The following DENND1A variants were observed in gnomAD, a reference collection of about 807,000 sequenced individuals.
DENND1A encodes the protein DENN domain-containing protein 1A.
In DENND1A, 51 loss-of-function variants were observed where a neutral mutation model predicts 113.7. The ratio of observed to expected loss-of-function variants is 0.45; its 90% CI spans 0.36 to 0.57. The LOEUF is 0.57. Among genes scored for constraint, DENND1A ranks in the 20% least tolerant of loss-of-function variants. The pLI, the probability that DENND1A is intolerant of heterozygous loss-of-function variation, is 0.00. For missense variants in DENND1A, 1,258 were observed against 1,395.9 expected (o/e 0.90, Z 1.57); for synonymous variants, 565 against 570.8 (o/e 0.99, Z 0.14).
chr9:123,452,227 G>A (rs759205520), intron 17 of DENND1A, 49 bp downstream of exon 17: 1 of 1,511,790 alleles, frequency 6.6e-7, no homozygotes, highest in Non-Finnish European at 9.2e-7. Flanking sequence ...GTCTCATCAT[G>A]CTAAGGGACT....
chr9:123,884,628 C>T (rs182322907), intron 1 of DENND1A, among the ~76,000 whole-genome samples: 6 of 152,184 alleles, frequency 3.9e-5, no homozygotes, highest in Admixed American at 3.9e-4. Context: ...GACAATTATA[C>T]CATTTCCATA....
intron 2 of DENND1A, among the ~76,000 whole-genome samples, chr9:123,868,433 T>C (rs141762144): frequency 6.6e-6 from 1 of 152,326 alleles, no homozygotes; most frequent in East Asian, 1.9e-4. Flanking sequence ...AAATAACAGC[T>C]CCCATTTATA....
intron 13 of DENND1A, among the ~76,000 whole-genome samples, chr9:123,501,789 G>A (rs773402016): frequency 6.6e-6 from 1 of 152,204 alleles, no homozygotes; most frequent in Admixed American, 6.5e-5. Context: ...GCAGGAAAAC[G>A]TGAAAAGGAG....
At chr9:123,639,958 G>A (rs1157349035) in intron 9 of DENND1A, among the ~76,000 whole-genome samples, 1 of 152,088 alleles carries the variant, frequency 6.6e-6, no homozygotes, top group East Asian at 1.9e-4. Flanking sequence ...AGGAAACTGA[G>A]GCTCCTGGGT....
At chr9:123,606,903 G>T (rs1046430558) in intron 11 of DENND1A, among the ~76,000 whole-genome samples, 2 of 152,234 alleles carry the variant, frequency 1.3e-5, no homozygotes, top group African/African-American at 4.8e-5. Context: ...AACAGAGCAG[G>T]AGGACTTCTT....
At chr9:123,595,575 C>T (rs540447909) in intron 11 of DENND1A, among the ~76,000 whole-genome samples, 2 of 152,154 alleles carry the variant, frequency 1.3e-5, no homozygotes, top group Admixed American at 1.3e-4. Flanking sequence ...ATTCTCTCCC[C>T]GACATGGTCC....
At chr9:123,664,240 G>A (rs1346490068) in intron 8 of DENND1A, among the ~76,000 whole-genome samples, 2 of 152,072 alleles carry the variant, frequency 1.3e-5, no homozygotes, top group African/African-American at 4.8e-5. Flanking sequence ...TTTTTTTGAA[G>A]GATGGAGATT....
intron 19 of DENND1A, among the ~76,000 whole-genome samples, chr9:123,431,245 T>C (rs1002340247): frequency 1.3e-5 from 2 of 152,158 alleles, no homozygotes; most frequent in Non-Finnish European, 2.9e-5. Flanking sequence ...GCTCAGTTTT[T>C]ACCCTGCATT....
chr9:123,665,812 T>A (rs1273765262), intron 8 of DENND1A, among the ~76,000 whole-genome samples: 2 of 152,194 alleles, frequency 1.3e-5, no homozygotes, highest in African/African-American at 4.8e-5. Context: ...TCAGCATCTA[T>A]CACTGGATGA....
chr9:123,708,691 T>C (rs115095481), intron 5 of DENND1A, among the ~76,000 whole-genome samples: 2 of 152,196 alleles, frequency 1.3e-5, no homozygotes, highest in East Asian at 1.9e-4. Flanking sequence ...TAGTTTCTTA[T>C]AGCACCTTCA....
intron 1 of DENND1A, among the ~76,000 whole-genome samples, chr9:123,902,852 C>T (rs1372594944): frequency 5.5e-5 from 8 of 144,504 alleles, no homozygotes; most frequent in Non-Finnish European, 1.1e-4. Context: ...TATCAAAATC[C>T]GACAAGATTA....
At position 123,382,195 on chromosome 9, in the gene DENND1A, A is replaced by C. The variant is rs773140344; in HGVS notation, c.2450T>G (p.Val817Gly). 6 of 1,609,674 alleles carry C rather than the reference A, an allele frequency of 3.7e-6. No homozygotes were observed. Among genetic ancestry groups the C allele is most frequent in the South Asian group, 2.2e-5 (2 of 90,868 alleles). The change falls in exon 24 of 24, where the codon GTT becomes GGT. Residue 817 changes from valine (V) to glycine (G), a missense_variant. By Grantham distance (109) the Val-to-Gly change is moderately radical. Coordinates refer to ENST00000394215, the MANE Select transcript of DENND1A (RefSeq NM_001352964.2). ...CAGTTCAGTGGGGCCTTGGGGGACA[A>C]CACCAGGCAGGAGCCCTGGACTCAG... ...AALSPGLLPG[V>G]VPQGPTELLQ... is the part of the protein sequence containing the mutation.
chr9:123,512,856 G>GGAT (rs2053574759), intron 13 of DENND1A, among the ~76,000 whole-genome samples: 2 of 152,288 alleles, frequency 1.3e-5, no homozygotes, highest in Admixed American at 1.3e-4. Context: ...TGGAAAATGG[G>GGAT]GATAATAATA....
intron 9 of DENND1A, among the ~76,000 whole-genome samples, chr9:123,640,450 AT>A (rs1251193244): frequency 6.6e-6 from 1 of 152,224 alleles, no homozygotes; most frequent in African/African-American, 2.4e-5. Flanking sequence ...AGAAATGACC[AT>A]TTATTCAATG....
chr9:123,653,896 A>G (rs1471077550), intron 8 of DENND1A, among the ~76,000 whole-genome samples: 1 of 148,592 alleles, frequency 6.7e-6, no homozygotes, highest in East Asian at 2.0e-4. Flanking sequence ...TATAGATGAG[A>G]AATAAAAAAA....
intron 3 of DENND1A, among the ~76,000 whole-genome samples, chr9:123,784,321 G>A (rs535327964): frequency 6.6e-6 from 1 of 152,108 alleles, no homozygotes; most frequent in Non-Finnish European, 1.5e-5. Context: ...AGTCATCTCC[G>A]GCCATCTTAG....
At chr9:123,925,231 A>G (rs1321789544) in intron 1 of DENND1A, among the ~76,000 whole-genome samples, 1 of 152,008 alleles carries the variant, frequency 6.6e-6, no homozygotes, top group East Asian at 1.9e-4. Context: ...TTTCCCTAAT[A>G]TGCCACGTCC....
intron 15 of DENND1A, among the ~76,000 whole-genome samples, chr9:123,455,645 G>C (rs1280440395): frequency 6.6e-6 from 1 of 152,242 alleles, no homozygotes; most frequent in Non-Finnish European, 1.5e-5. Flanking sequence ...CCCCAGGGCT[G>C]TGTGTCCCAT....
chr9:123,762,657 C>T (rs1434571492), intron 4 of DENND1A, among the ~76,000 whole-genome samples: 12 of 152,248 alleles, frequency 7.9e-5, no homozygotes, highest in Admixed American at 7.9e-4. Flanking sequence ...CCTGCCTTTG[C>T]AGGCTTTCTG....
Sources: allele counts gnomAD v4.1 joint callset (sites outside exome capture counted in the v4.1 genomes callset), GRCh38; gene constraint gnomAD v4.1.1; transcripts MANE v1.5; gene names NCBI Gene and HGNC (gene_info 2026-07-23, HGNC 2026-07-21).